ENTHD1: variants seen among roughly 807,000 people sequenced by gnomAD.
The protein encoded by ENTHD1 is ENTH domain-containing protein 1.
A neutral mutation model predicts 39.1 loss-of-function variants in ENTHD1; 23 were observed. The observed-to-expected ratio is 0.59, with a 90% confidence interval of 0.42 to 0.83. The LOEUF (loss-of-function observed/expected upper bound fraction) is 0.83, where lower values mean the gene tolerates loss of function less well. Among genes scored for constraint, ENTHD1 ranks in the 40% least tolerant of loss-of-function variants. ENTHD1 has a pLI of 0.00. For missense variants in ENTHD1, 624 were observed against 705.4 expected (o/e 0.88, Z 1.31); for synonymous variants, 230 against 258.2 (o/e 0.89, Z 1.05).
At chr22:39,844,289 T>G (rs1302068003) in intron 3 of ENTHD1, among the ~76,000 whole-genome samples, 1 of 152,140 alleles carries the variant, frequency 6.6e-6, no homozygotes, top group Non-Finnish European at 1.5e-5. Flanking sequence ...AGAACCAACT[T>G]TACTGCTGGA....
rs575246710 is a variant in ENTHD1, at chr22:39,868,329, C to A, written c.350-6322G>T. Among the ~76,000 whole-genome samples, 394 of 134,052 alleles carry A rather than the reference C, an allele frequency of 2.9e-3. 2 individuals are homozygous for A. Among genetic ancestry groups the A allele is most frequent in the African/African-American group, 0.01 (373 of 35,672 alleles). The allele number at this position is 134,052 out of a possible 152,430, so 87.9% of individuals were successfully genotyped here. A position where few individuals can be genotyped will look rare whatever the true frequency, so the allele number is the denominator to read the frequency against. ...GTCTAGAAGACCTGGGTAGAGGGAACTGGAGAAACCTTTATTTTATTAAAA... is the reference window on the plus strand; with the variant it reads ...GTCTAGAAGACCTGGGTAGAGGGAAATGGAGAAACCTTTATTTTATTAAAA... On this transcript the variant is annotated intron_variant, in intron 2 of 6. Coordinates refer to ENST00000325157, the MANE Select transcript of ENTHD1 (RefSeq NM_152512.4).
intron 2 of ENTHD1, among the ~76,000 whole-genome samples, chr22:39,882,007 A>AAAT (rs1486478327): frequency 6.6e-6 from 1 of 152,226 alleles, no homozygotes; most frequent in African/African-American, 2.4e-5. Flanking sequence ...TACTCGGACC[A>AAAT]AATAATTTCT....
intron 2 of ENTHD1, among the ~76,000 whole-genome samples, chr22:39,869,027 G>A (rs781684469): frequency 5.3e-5 from 8 of 152,240 alleles, no homozygotes; most frequent in Admixed American, 2.0e-4. Context: ...TGGTGGGAAT[G>A]TAAATTCGTT....
rs140134923 is a variant in ENTHD1 at position 39,765,277 on chromosome 22, G to C, written c.1165C>G (p.Pro389Ala). 5.1e-5 allele frequency: 82 copies of C among 1,613,418 alleles called. No individual in the cohort carries two copies. The highest frequency in any genetic ancestry group is 2.3e-4 in the Admixed American group (14 of 59,842). The change falls in exon 6 of 7, where the codon CCA becomes GCA. Residue 389 changes from proline to alanine, a missense_variant. Pro to Ala is a conservative substitution (Grantham distance 27). Coordinates refer to ENST00000325157, the MANE Select transcript of ENTHD1 (RefSeq NM_152512.4). ...EIVINKAYQKPAQSSIQMDDK... is the reference protein window; with the variant it reads ...EIVINKAYQKAAQSSIQMDDK... ...TCCATCTGAATGCTGGATTGTGCTGGTTTCTGGTAGGCCTTGTTGATTACA... is the reference window on the plus strand; with the variant it reads ...TCCATCTGAATGCTGGATTGTGCTGCTTTCTGGTAGGCCTTGTTGATTACA...
At chr22:39,777,714 A>G (rs924812278) in intron 5 of ENTHD1, among the ~76,000 whole-genome samples, 2 of 152,220 alleles carry the variant, frequency 1.3e-5, no homozygotes, top group Non-Finnish European at 2.9e-5. Flanking sequence ...AATGGATTAT[A>G]ATGAATGGAT....
intron 6 of ENTHD1, among the ~76,000 whole-genome samples, chr22:39,758,765 C>T (rs1014087410): frequency 2.6e-5 from 4 of 152,100 alleles, no homozygotes; most frequent in Non-Finnish European, 5.9e-5. Flanking sequence ...CCTTTATCAG[C>T]TTGAGCGAAG....
Position 39,855,538 on chromosome 22 carries a change from T to C in ENTHD1, c.592+6227A>G, listed in dbSNP as rs1270831625. Among the ~76,000 whole-genome samples, 2 of 151,314 alleles carry C rather than the reference T, an allele frequency of 1.3e-5. 1 individual carries two copies. ...ACATGATATTTCTCAACCTCCTTTG[T>C]AGCTAGGAGTGTCAGTGGGACTAAG... On this transcript the variant is annotated intron_variant, in intron 3 of 6. Coordinates refer to ENST00000325157, the MANE Select transcript of ENTHD1 (RefSeq NM_152512.4).
At chr22:39,804,811 G>A (rs1601605845) in intron 5 of ENTHD1, among the ~76,000 whole-genome samples, 1 of 152,186 alleles carries the variant, frequency 6.6e-6, no homozygotes, top group East Asian at 1.9e-4. Flanking sequence ...TCTAGGAGAT[G>A]AAAGACTTAA....
intron 6 of ENTHD1, 103 bp downstream of exon 6, chr22:39,765,120 A>T (rs1318819040): frequency 3.6e-5 from 52 of 1,433,672 alleles, no homozygotes; most frequent in Non-Finnish European, 4.6e-5. Context: ...GAGGGAACAA[A>T]AAAAGGAGAC....
At chr22:39,814,296 A>AAAAAAAAAAAAAAT (rs1491110099) in intron 5 of ENTHD1, among the ~76,000 whole-genome samples, 4 of 125,268 alleles carry the variant, frequency 3.2e-5, no homozygotes, top group African/African-American at 1.4e-4. Flanking sequence ...CCATCTCTAC[A>AAAAAAAAAAAAAAT]AAAAAAAAAA....
chr22:39,872,331 A>G (rs1435056554), intron 2 of ENTHD1, among the ~76,000 whole-genome samples: 1 of 152,186 alleles, frequency 6.6e-6, no homozygotes, highest in African/African-American at 2.4e-5. Flanking sequence ...TTTTTTCCAG[A>G]TATCTTGGCT....
chr22:39,843,527 G>A (rs1232823591), intron 3 of ENTHD1, among the ~76,000 whole-genome samples: 1 of 151,878 alleles, frequency 6.6e-6, no homozygotes, highest in Non-Finnish European at 1.5e-5. Flanking sequence ...GAGTTAGTGG[G>A]TGCAGCGCAC....
intron 1 of ENTHD1, among the ~76,000 whole-genome samples, chr22:39,888,260 C>CTTTTTTTTT (rs61092462): frequency 6.3e-5 from 7 of 110,634 alleles, no homozygotes; most frequent in South Asian, 3.1e-4. Flanking sequence ...TTCTTTCTTT[C>CTTTTTTTTT]TTTTTTTTTT....
intron 6 of ENTHD1, among the ~76,000 whole-genome samples, chr22:39,763,800 G>C (rs948343152): frequency 1.2e-4 from 18 of 152,050 alleles, no homozygotes; most frequent in African/African-American, 4.1e-4. Context: ...AAGTGTACTT[G>C]GTACACTCAC....
intron 5 of ENTHD1, among the ~76,000 whole-genome samples, chr22:39,811,873 G>A (rs535204219): frequency 4.9e-4 from 75 of 152,198 alleles, no homozygotes; most frequent in African/African-American, 1.8e-3. Flanking sequence ...CAGCTACTCG[G>A]GAGGCTGAGG....
chr22:39,756,193 C>A (rs2146541467), intron 6 of ENTHD1, among the ~76,000 whole-genome samples: 1 of 152,168 alleles, frequency 6.6e-6, no homozygotes, highest in African/African-American at 2.4e-5. Flanking sequence ...CTGACCAATT[C>A]TGAAATAATT....
intron 3 of ENTHD1, among the ~76,000 whole-genome samples, chr22:39,845,874 CT>C (rs199809325): frequency 1.3e-5 from 2 of 149,734 alleles, no homozygotes; most frequent in Non-Finnish European, 3.0e-5. Flanking sequence ...CATTTTGCGG[CT>C]TTTTTTTTCA....
chr22:39,775,857 TGAG>T (rs1326120760), intron 5 of ENTHD1, among the ~76,000 whole-genome samples: 1 of 152,056 alleles, frequency 6.6e-6, no homozygotes, highest in African/African-American at 2.4e-5. Flanking sequence ...CACAAGAACT[TGAG>T]GAGATTTGAT....
At chr22:39,881,626 C>G (rs1178585131) in intron 2 of ENTHD1, among the ~76,000 whole-genome samples, 1 of 152,112 alleles carries the variant, frequency 6.6e-6, no homozygotes, top group Admixed American at 6.5e-5. Flanking sequence ...TCCCTGCTGT[C>G]GTGAAATTTA....
Sources: gnomAD v4.1 joint callset for allele counts (sites outside exome capture counted in the v4.1 genomes callset) on GRCh38, gnomAD v4.1.1 for gene constraint, MANE v1.5 for transcripts, NCBI Gene and HGNC (gene_info 2026-07-23, HGNC 2026-07-21) for gene names.